Variants in TOMM20 observed in about 807,000 individuals in gnomAD.
TOMM20 encodes translocase of outer mitochondrial membrane 20.
A neutral mutation model predicts 22.1 loss-of-function variants in TOMM20; 10 were observed. The ratio of observed to expected loss-of-function variants is 0.45; its 90% CI spans 0.28 to 0.77. The LOEUF (loss-of-function observed/expected upper bound fraction) is 0.77, where lower values mean the gene tolerates loss of function less well. Ranked by LOEUF, TOMM20 falls within the 30% of genes least tolerant of loss-of-function variation. TOMM20 has a pLI of 0.13. For synonymous variants in TOMM20, 55 were observed against 61.4 expected (o/e 0.90, Z 0.49); for missense variants, 121 against 172.2 (o/e 0.70, Z 1.66).
intron 3 of TOMM20, among the ~76,000 whole-genome samples, chr1:235,118,733 G>C (rs958486369): frequency 3.1e-4 from 47 of 152,002 alleles, no homozygotes; most frequent in Non-Finnish European, 5.6e-4. Context: ...CTTTGTTATC[G>C]ATGCTGGTCT....
intron 3 of TOMM20, among the ~76,000 whole-genome samples, chr1:235,116,641 G>T (rs763515265): frequency 2.0e-5 from 3 of 152,036 alleles, no homozygotes; most frequent in Non-Finnish European, 4.4e-5. Flanking sequence ...AACCCGGGAG[G>T]TGGAAGTTGC....
chr1:235,120,557 AC>A (rs975328230), intron 2 of TOMM20, among the ~76,000 whole-genome samples: 9 of 149,352 alleles, frequency 6.0e-5, no homozygotes, highest in African/African-American at 2.2e-4. Flanking sequence ...GAGCCACCGC[AC>A]CCAGCCTACA....
At chr1:235,124,712 G>GA (rs1447389272) in intron 1 of TOMM20, among the ~76,000 whole-genome samples, 1 of 152,148 alleles carries the variant, frequency 6.6e-6, no homozygotes, top group Non-Finnish European at 1.5e-5. Context: ...GATTGCCACT[G>GA]AATACATTTA....
intron 2 of TOMM20, among the ~76,000 whole-genome samples, chr1:235,120,214 T>A (rs1660906287): frequency 1.3e-5 from 2 of 152,260 alleles, no homozygotes; most frequent in African/African-American, 4.8e-5. Flanking sequence ...TAGATTTTTA[T>A]ACAACTGTAA....
chr1:235,113,118 C>A, intron 4 of TOMM20, among the ~76,000 whole-genome samples: 2 of 152,312 alleles, frequency 1.3e-5, no homozygotes. Context: ...GTAACAGACA[C>A]GCTATTCCAA....
At chr1:235,128,033 GCGTGGTGACGC>G in intron 1 of TOMM20, 1 of 343,622 alleles carries the variant, frequency 2.9e-6, no homozygotes, top group Non-Finnish European at 5.8e-6. Flanking sequence ...AAATCACCGG[GCGTGGTGACGC>G]CCGACTGTAA....
At chr1:235,113,719 C>T (rs763215775) in intron 4 of TOMM20, 49 bp downstream of exon 4, 3 of 1,555,652 alleles carry the variant, frequency 1.9e-6, no homozygotes, top group African/African-American at 2.7e-5. Context: ...CCTAATCATT[C>T]GATTCTAAAT....
At chr1:235,128,066 G>C in intron 1 of TOMM20, 3 of 342,318 alleles carry the variant, frequency 8.8e-6, no homozygotes, top group Non-Finnish European at 1.7e-5. Context: ...CCCAGCTACT[G>C]GGGAGACTGA....
intron 2 of TOMM20, among the ~76,000 whole-genome samples, chr1:235,120,869 CAA>C (rs752792267): frequency 1.4e-4 from 14 of 100,216 alleles, no homozygotes; most frequent in Admixed American, 3.3e-4. Flanking sequence ...GACCCTGTCT[CAA>C]AAAAAAAAAA....
At chr1:235,119,939 C>T in intron 2 of TOMM20, 40 bp from the exon 3 acceptor site, 1 of 1,362,340 alleles carries the variant, frequency 7.3e-7, no homozygotes, top group Middle Eastern at 1.8e-4. Context: ...CACAATTATG[C>T]CAGGGGATAT....
chr1:235,123,245 A>G (rs1306946502), intron 1 of TOMM20, among the ~76,000 whole-genome samples: 3 of 152,142 alleles, frequency 2.0e-5, no homozygotes, highest in Admixed American at 6.5e-5. Context: ...CCAGCACTTT[A>G]GGAGGCTGAG....
chr1:235,116,187 A>G (rs1026138479), intron 3 of TOMM20, among the ~76,000 whole-genome samples: 5 of 152,072 alleles, frequency 3.3e-5, no homozygotes, highest in Non-Finnish European at 7.4e-5. Flanking sequence ...TGGGTGGATC[A>G]CCTAAGGTCA....
chr1:235,110,990 T>C lies in TOMM20; in HGVS notation c.*1074A>G, dbSNP rs374832949. 1.3e-5 allele frequency: 2 copies of C among 152,180 alleles called. No individual in the cohort carries two copies. Among genetic ancestry groups the C allele is most frequent in the Non-Finnish European group, 2.9e-5 (2 of 68,034 alleles). 9.4% of individuals were successfully genotyped at this position (152,180 alleles called of 1,614,324 possible). A position where few individuals can be genotyped will look rare whatever the true frequency, so the allele number is the denominator to read the frequency against. On this transcript the variant is annotated 3_prime_UTR_variant, in exon 5 of 5. Coordinates refer to ENST00000366607, the MANE Select transcript of TOMM20 (RefSeq NM_014765.3). The stretch of plus-strand genomic sequence containing the variant: ...CTCATCGTTTCACAAGATAATCAAG[T>C]TGAAGCAGGATTAAGGAGGTACACT...
At position 235,128,789 on chromosome 1, in the gene TOMM20, C is replaced by A. The variant is rs1298580216; in HGVS notation, c.-74G>T. 6 of 1,600,564 alleles carry A rather than the reference C, an allele frequency of 3.7e-6. No homozygotes were observed. The highest frequency in any genetic ancestry group is 3.3e-4 in the Middle Eastern group (2 of 6,032). Reference sequence around the variant, plus strand: ...AGCGGTGGGCCACGAACCCTCAGAGCGGTCGGCGCAGCTCACACCCGACGG... The same window carrying A: ...AGCGGTGGGCCACGAACCCTCAGAGAGGTCGGCGCAGCTCACACCCGACGG... On this transcript the variant is annotated 5_prime_UTR_variant, in exon 1 of 5. Transcript: ENST00000366607.
At chr1:235,128,473 T>C in intron 1 of TOMM20, 122 bp downstream of exon 1, 1 of 1,497,206 alleles carries the variant, frequency 6.7e-7, no homozygotes, top group Non-Finnish European at 9.0e-7. Flanking sequence ...CATCGCCTAT[T>C]GAGGGCCGCA....
intron 3 of TOMM20, among the ~76,000 whole-genome samples, chr1:235,116,971 TA>T (rs1216967362): frequency 1.3e-5 from 2 of 148,362 alleles, no homozygotes; most frequent in Non-Finnish European, 1.5e-5. Context: ...CCGTCTCTAC[TA>T]AAAATACAAA....
At chr1:235,122,263 A>G (rs772454386) in intron 2 of TOMM20, 63 bp downstream of exon 2, 22 of 1,346,960 alleles carry the variant, frequency 1.6e-5, no homozygotes, top group Non-Finnish European at 2.2e-5. Context: ...TACATTTCCA[A>G]TTACAGATTT....
rs1237148098 is a variant in TOMM20 at position 235,110,661 on chromosome 1, T to A, written c.*1403A>T. On this transcript the variant is annotated 3_prime_UTR_variant, in exon 5 of 5. Coordinates refer to ENST00000366607, the MANE Select transcript of TOMM20 (RefSeq NM_014765.3). ...TAATCAGAGGCAGAAACTAGACCTA[T>A]TTCTCCTTCCACTGCACCACAAAAA... 1 of 152,182 alleles carries A rather than the reference T, an allele frequency of 6.6e-6. No homozygotes were observed. The highest frequency in any genetic ancestry group is 1.9e-4 in the East Asian group (1 of 5,204). 9.4% of individuals were successfully genotyped at this position (152,182 alleles called of 1,614,324 possible).
chr1:235,118,199 T>A (rs1375252900), intron 3 of TOMM20, among the ~76,000 whole-genome samples: 2 of 152,244 alleles, frequency 1.3e-5, no homozygotes, highest in African/African-American at 4.8e-5. Context: ...AGCTCCCTTC[T>A]TGTGCAAAGT....
Sources: allele counts gnomAD v4.1 joint callset (sites outside exome capture counted in the v4.1 genomes callset), GRCh38; gene constraint gnomAD v4.1.1; transcripts MANE v1.5; gene names NCBI Gene and HGNC (gene_info 2026-07-23, HGNC 2026-07-21).